Variants in AHCYL2 observed in about 807,000 individuals in gnomAD.
The protein encoded by AHCYL2 is S-adenosylhomocysteine hydrolase-like protein 2.
Under a neutral mutation model 81.4 loss-of-function variants are expected in AHCYL2, and 28 were observed. The observed-to-expected ratio is 0.34, with a 90% confidence interval of 0.25 to 0.47. AHCYL2 has a LOEUF of 0.47. Among genes scored for constraint, AHCYL2 ranks in the 20% least tolerant of loss-of-function variants. The probability of loss-of-function intolerance (pLI) is 1.00; values close to 1 mark genes in which losing one functional copy is unlikely to be tolerated. For missense variants in AHCYL2, 551 were observed against 785.1 expected (o/e 0.70, Z 3.56); for synonymous variants, 272 against 290.2 (o/e 0.94, Z 0.64).
At chr7:129,352,221 G>A (rs577978896) in intron 1 of AHCYL2, among the ~76,000 whole-genome samples, 1 of 152,100 alleles carries the variant, frequency 6.6e-6, no homozygotes, top group Admixed American at 6.5e-5. Context: ...TCAGGTTTGG[G>A]CATCTGGCAG....
intron 6 of AHCYL2, among the ~76,000 whole-genome samples, chr7:129,402,173 A>G (rs1796069288): frequency 6.6e-6 from 1 of 152,134 alleles, no homozygotes; most frequent in African/African-American, 2.4e-5. Context: ...AGAATGGGAG[A>G]GAGAAACTCA....
chr7:129,292,415 G>A (rs1272198976), intron 1 of AHCYL2, among the ~76,000 whole-genome samples: 2 of 152,146 alleles, frequency 1.3e-5, no homozygotes, highest in East Asian at 1.9e-4. Context: ...TGCTGACTAG[G>A]GCTATATATC....
chr7:129,430,199 T>C lies in AHCYL2; in HGVS notation c.*3154T>C, dbSNP rs1317681542. The C allele has an allele frequency of 2.0e-5, 3 of 152,494 alleles. No individual in the cohort carries two copies. Among genetic ancestry groups the C allele is most frequent in the African/African-American group, 7.2e-5 (3 of 41,406 alleles). 9.4% of individuals were successfully genotyped at this position (152,494 alleles called of 1,614,324 possible). A position where few individuals can be genotyped will look rare whatever the true frequency, so the allele number is the denominator to read the frequency against. On this transcript the variant is annotated 3_prime_UTR_variant, in exon 17 of 17. Coordinates refer to ENST00000325006, the MANE Select transcript of AHCYL2 (RefSeq NM_015328.4). ...GTAATCTCAAAAAACAAATAAAATA[T>C]TCTTAACATGGACTCTTAAGGGTAT...
chr7:129,371,970 G>A (rs1318154168), intron 1 of AHCYL2, among the ~76,000 whole-genome samples: 3 of 152,170 alleles, frequency 2.0e-5, no homozygotes, highest in African/African-American at 7.2e-5. Context: ...GATAAATGGT[G>A]GTAGAGGTAG....
At chr7:129,412,341 C>T (rs1009486061) in intron 11 of AHCYL2, among the ~76,000 whole-genome samples, 6 of 148,910 alleles carry the variant, frequency 4.0e-5, no homozygotes, top group Non-Finnish European at 7.4e-5. Context: ...AGTGCAGTGG[C>T]GCGATACTGG....
At chr7:129,289,517 T>C (rs540942987) in intron 1 of AHCYL2, among the ~76,000 whole-genome samples, 62 of 152,350 alleles carry the variant, frequency 4.1e-4, no homozygotes, top group Admixed American at 6.5e-4. Flanking sequence ...GGAATACTTC[T>C]ATAAAGAGAA....
intron 1 of AHCYL2, among the ~76,000 whole-genome samples, chr7:129,249,038 C>A (rs1459878157): frequency 7.0e-6 from 1 of 142,850 alleles, no homozygotes. Flanking sequence ...CACTTCCTCA[C>A]CCAGGCTGGA....
At chr7:129,338,286 C>T (rs1793031456) in intron 1 of AHCYL2, among the ~76,000 whole-genome samples, 1 of 151,214 alleles carries the variant, frequency 6.6e-6, no homozygotes, top group African/African-American at 2.4e-5. Flanking sequence ...GTAGCTAGGA[C>T]TAAAGGTGTG....
chr7:129,401,687 A>T (rs946694531), intron 6 of AHCYL2, among the ~76,000 whole-genome samples: 3 of 152,176 alleles, frequency 2.0e-5, no homozygotes, highest in African/African-American at 7.2e-5. Flanking sequence ...GACACAAGGG[A>T]GTGTGACTGA....
chr7:129,426,262 G>T lies in AHCYL2; in HGVS notation c.1709-181G>T, dbSNP rs1374728450. 2.0e-5 allele frequency among the ~76,000 whole-genome samples: 3 copies of T among 152,226 alleles called. No individual in the cohort carries two copies. Among genetic ancestry groups the T allele is most frequent in the Admixed American group, 6.5e-5 (1 of 15,284 alleles). ...TTATTAAGGCTTTGGAAAGCACTGG[G>T]CTTGAAGCTGAAGGCAGCTATTCCT... is the stretch of plus-strand genomic sequence containing the variant. On this transcript the variant is annotated intron_variant, in intron 15 of 16. Transcript: ENST00000325006. This position sits in a 1 kb window ranked among gnomAD's most constrained non-coding sequence, Gnocchi z 4.3.
intron 1 of AHCYL2, among the ~76,000 whole-genome samples, chr7:129,336,995 C>T (rs1194590588): frequency 6.6e-6 from 1 of 152,166 alleles, no homozygotes; most frequent in Non-Finnish European, 1.5e-5. Context: ...GATCCTTCTG[C>T]CTTGGCCTCC....
intron 10 of AHCYL2, among the ~76,000 whole-genome samples, chr7:129,407,812 G>A (rs1186234005): frequency 6.6e-6 from 1 of 152,212 alleles, no homozygotes; most frequent in Non-Finnish European, 1.5e-5. Context: ...GAGTTAAACG[G>A]CACATGCTTC....
At chr7:129,414,420 C>CT (rs10653631) in intron 12 of AHCYL2, among the ~76,000 whole-genome samples, 7,512 of 125,314 alleles carry the variant, frequency 0.06, 605 homozygotes, top group African/African-American at 0.13. Flanking sequence ...AATGTTGTTT[C>CT]TTTTTTTTTT....
At chr7:129,227,404 C>T (rs1044977796) in intron 1 of AHCYL2, among the ~76,000 whole-genome samples, 5 of 144,662 alleles carry the variant, frequency 3.5e-5, no homozygotes, top group East Asian at 2.0e-4. Flanking sequence ...GTGGATTGCT[C>T]GAGTCCAGGA....
intron 1 of AHCYL2, among the ~76,000 whole-genome samples, chr7:129,339,073 G>T (rs76600592): frequency 9.5e-4 from 144 of 152,276 alleles, no homozygotes; most frequent in African/African-American, 3.3e-3. Context: ...GTATTGATTT[G>T]TTATCTAATT....
intron 1 of AHCYL2, among the ~76,000 whole-genome samples, chr7:129,366,229 C>G (rs943689497): frequency 1.3e-5 from 2 of 152,188 alleles, no homozygotes; most frequent in Non-Finnish European, 2.9e-5. Context: ...TCCACCCTCC[C>G]TGTGATCCCT....
intron 1 of AHCYL2, among the ~76,000 whole-genome samples, chr7:129,339,970 G>A (rs1179037571): frequency 7.2e-6 from 1 of 138,530 alleles, no homozygotes; most frequent in Non-Finnish European, 1.5e-5. Flanking sequence ...CCAGGCTGGA[G>A]TGCAGTGACG....
intron 1 of AHCYL2, among the ~76,000 whole-genome samples, chr7:129,340,671 A>G (rs887428628): frequency 4.0e-5 from 6 of 150,264 alleles, no homozygotes; most frequent in African/African-American, 1.5e-4. Flanking sequence ...TTTAAATTCC[A>G]TTATTTTTAA....
intron 1 of AHCYL2, among the ~76,000 whole-genome samples, chr7:129,302,288 T>C (rs185808906): frequency 1.2e-4 from 19 of 152,304 alleles, no homozygotes; most frequent in Admixed American, 9.8e-4. Flanking sequence ...TTTCCAAATA[T>C]AAGGTCATAT....
Sources: gnomAD v4.1 joint callset for allele counts (sites outside exome capture counted in the v4.1 genomes callset) on GRCh38, gnomAD v4.1.1 for gene constraint, Gnocchi (gnomAD v3.1) non-coding constraint, MANE v1.5 for transcripts, NCBI Gene and HGNC (gene_info 2026-07-23, HGNC 2026-07-21) for gene names.